The following POLRMT variants were observed in gnomAD, a reference collection of about 807,000 sequenced individuals.
POLRMT encodes the protein RNA polymerase mitochondrial, also known as DNA-directed RNA polymerase, mitochondrial.
Under a neutral mutation model 132.2 loss-of-function variants are expected in POLRMT, and 114 were observed. The observed-to-expected ratio is 0.86, with a 90% confidence interval of 0.74 to 1.01. The LOEUF is 1.01. POLRMT is among the 50% of genes least tolerant of loss of function. The probability of loss-of-function intolerance (pLI) is 0.00; values close to 1 mark genes in which losing one functional copy is unlikely to be tolerated. For synonymous variants in POLRMT, 1,020 were observed against 773.4 expected (o/e 1.32, Z -5.29); for missense variants, 2,003 against 1,729.1 (o/e 1.16, Z -2.81).
At position 619,641 on chromosome 19, in the gene POLRMT, T is replaced by A; in HGVS notation, c.3011A>T (p.Tyr1004Phe). 6.2e-7 allele frequency: 1 copy of A among 1,610,832 alleles called. No individual in the cohort carries two copies. Among genetic ancestry groups the A allele is most frequent in the Non-Finnish European group, 8.5e-7 (1 of 1,179,650 alleles). ...CTTCTCAATCTGCAGGCGCCCGCCATAGCGCGTGACCCCGTACACCACCGT... is the reference window on the plus strand; with the variant it reads ...CTTCTCAATCTGCAGGCGCCCGCCAAAGCGCGTGACCCCGTACACCACCGT... ...VMTVVYGVTR[Y>F]GGRLQIEKRL... Residue 1004 changes from tyrosine (Y) to phenylalanine (F), a missense_variant, in exon 13 of 21, where the codon TAT becomes TTT. Physicochemically the swap from Tyr to Phe is conservative, Grantham distance 22. Coordinates refer to ENST00000588649, the MANE Select transcript of POLRMT (RefSeq NM_005035.4).
chr19:623,943 G>A (rs1984831002), intron 5 of POLRMT, among the ~76,000 whole-genome samples: 2 of 152,174 alleles, frequency 1.3e-5, no homozygotes. Context: ...GTATGAATGT[G>A]ACCCATCCAG....
In POLRMT at chr19:621,472, G is replaced by T. The variant is rs565088113; in HGVS notation, c.2226C>A (p.Pro742=). ...CGGCGCTGTGCGGCAGGTGGGCCTC[G>T]GGCGGCTGGGGCGCCTCGGAGGGCG... ...PAPPSEAPQP[P]EAHLPHSAAP... The change falls in exon 10 of 21, where the codon CCC becomes CCA. Residue 742 remains proline (P), a synonymous_variant. Transcript: ENST00000588649. 8 of 1,368,326 alleles carry T rather than the reference G, an allele frequency of 5.8e-6. No individual in the cohort carries two copies. Among genetic ancestry groups the T allele is most frequent in the Non-Finnish European group, 7.5e-6 (8 of 1,068,496 alleles). The allele number at this position is 1,368,326 out of a possible 1,614,324, so 84.8% of individuals were successfully genotyped here.
intron 6 of POLRMT, 76 bp downstream of exon 6, chr19:623,378 G>A (rs1600576009): frequency 1.9e-6 from 3 of 1,563,838 alleles, no homozygotes; most frequent in East Asian, 2.3e-5. Context: ...ACGGGACCCC[G>A]GCTCAGCCCG....
rs111328977 is a variant in POLRMT, at chr19:618,904, A to G, written c.3267+93T>C. 1.5e-5 allele frequency: 20 copies of G among 1,355,438 alleles called. No individual in the cohort carries two copies. In the Admixed American group the frequency reaches 2.2e-4, roughly 15 times the overall value. The allele number at this position is 1,355,438 out of a possible 1,614,324, so 84.0% of individuals were successfully genotyped here. On this transcript the variant is annotated intron_variant, in intron 15 of 20. Coordinates refer to ENST00000588649, the MANE Select transcript of POLRMT (RefSeq NM_005035.4). ...GGGTGGCACACTGGGGCGGTGGTACACTGGGGTGGTGGTACGCTGGGGCAC... is the reference window on the plus strand; with the variant it reads ...GGGTGGCACACTGGGGCGGTGGTACGCTGGGGTGGTGGTACGCTGGGGCAC...
Position 617,630 on chromosome 19 carries a change from A to G in POLRMT, c.3521T>C (p.Leu1174Ser). Residue 1174 changes from leucine (L) to serine (S), a missense_variant, in exon 19 of 21, where the codon TTG becomes TCG. Physicochemically the swap from Leu to Ser is moderately radical, Grantham distance 145. Transcript: ENST00000588649. ...GTCCTGCAGGATGGGCTCGCTGTGC[A>G]AGCGGACAAACTGCTCCCGGCACAC... ...NQVCREQFVR[L>S]HSEPILQDLS... The G allele has an allele frequency of 6.2e-7, 1 of 1,612,472 alleles. No homozygotes were observed. The highest frequency in any genetic ancestry group is 8.5e-7 in the Non-Finnish European group (1 of 1,179,972).
chr19:625,525 T>TG lies in POLRMT; in HGVS notation c.823-272dup. 4 of 410,268 alleles carry TG rather than the reference T, an allele frequency of 9.7e-6. No homozygotes were observed. The East Asian group carries it at 1.7e-4, about 18-fold the overall frequency. The allele number at this position is 410,268 out of a possible 1,614,324, so 25.4% of individuals were successfully genotyped here. The stretch of plus-strand genomic sequence containing the variant: ...TTGTTAAACCTCCAGATTTGTCAAT[T>TG]GTGTGGATCTTTTCAAAGGACTGAC... On this transcript the variant is annotated intron_variant, in intron 3 of 20. Transcript: ENST00000588649.
rs749760358 is a variant in POLRMT, at chr19:621,467, G to T, written c.2231C>A (p.Ala744Asp). Residue 744 changes from alanine to aspartate, a missense_variant, in exon 10 of 21, where the codon GCC (alanine) becomes GAC (aspartate). Physicochemically the swap from Ala to Asp is moderately radical, Grantham distance 126. Transcript: ENST00000588649. The stretch of plus-strand genomic sequence containing the variant: ...GGGCGCGGCGCTGTGCGGCAGGTGG[G>T]CCTCGGGCGGCTGGGGCGCCTCGGA... ...PPSEAPQPPEAHLPHSAAPAR... is the reference protein window; with the variant it reads ...PPSEAPQPPEDHLPHSAAPAR... 28 of 1,367,938 alleles carry T rather than the reference G, an allele frequency of 2.0e-5. No individual in the cohort carries two copies. The highest frequency in any genetic ancestry group is 2.5e-5 in the Non-Finnish European group (27 of 1,069,814). The allele number at this position is 1,367,938 out of a possible 1,614,324, so 84.7% of individuals were successfully genotyped here.
At chr19:624,962 G>C in intron 4 of POLRMT, 57 bp from the exon 5 acceptor site, 4 of 1,551,840 alleles carry the variant, frequency 2.6e-6, no homozygotes, top group Non-Finnish European at 3.5e-6. Context: ...GGCTTCCACA[G>C]ACCCCAGGGG....
In POLRMT at chr19:620,095, G is replaced by A. The variant is rs371494194; in HGVS notation, c.2764-15C>T. 40 of 1,536,292 alleles carry A rather than the reference G, an allele frequency of 2.6e-5. No individual in the cohort carries two copies. In the African/African-American group the frequency reaches 3.4e-4, roughly 13 times the overall value. ...CAAGAGCCGTCCTGAGGAAGGGGCG[G>A]CAAACGGGAGATGGAAGCTAGAGAG... On this transcript the variant is annotated splice_polypyrimidine_tract_variant and intron_variant, in intron 11 of 20. Coordinates refer to ENST00000588649, the MANE Select transcript of POLRMT (RefSeq NM_005035.4).
In POLRMT at chr19:620,435, C is replaced by T. The variant is rs143868040; in HGVS notation, c.2693G>A (p.Cys898Tyr). 3 of 1,598,660 alleles carry T rather than the reference C, an allele frequency of 1.9e-6. No individual in the cohort carries two copies. Among genetic ancestry groups the T allele is most frequent in the Non-Finnish European group, 2.6e-6 (3 of 1,173,098 alleles). ...GCGCACAGCGTTCGCCACCTCCATA[C>T]AGCAGGCCAGCGTCTGCCAGGGTTC... is the stretch of plus-strand genomic sequence containing the variant. ...AEEPWQTLACCMEVANAVRAS... is the reference protein window; with the variant it reads ...AEEPWQTLACYMEVANAVRAS... Residue 898 changes from cysteine (C) to tyrosine (Y), a missense_variant, in exon 11 of 21, where the codon TGT (cysteine) becomes TAT (tyrosine). Coordinates refer to ENST00000588649, the MANE Select transcript of POLRMT (RefSeq NM_005035.4).
At chr19:625,459 A>AGGTGGGACTGTGGGAG (rs1984959470) in intron 3 of POLRMT, 2 of 596,704 alleles carry the variant, frequency 3.4e-6, no homozygotes, top group African/African-American at 3.8e-5. Context: ...ATGGCCCGCC[A>AGGTGGGACTGTGGGAG]GGTGGGACTG....
intron 8 of POLRMT, 100 bp downstream of exon 8, chr19:622,482 G>A (rs1411514020): frequency 3.4e-6 from 5 of 1,476,064 alleles, no homozygotes; most frequent in African/African-American, 1.4e-5. Context: ...GCATACAGAT[G>A]AACAGACTGA....
intron 13 of POLRMT, 137 bp downstream of exon 13, chr19:619,448 GC>G: frequency 6.5e-6 from 9 of 1,381,322 alleles, no homozygotes; most frequent in Non-Finnish European, 9.0e-6. Flanking sequence ...AGCAAGAAAC[GC>G]CCAAGCCCTA....
chr19:630,211 C>T (rs1341082162), intron 2 of POLRMT, 43 bp from the exon 3 acceptor site: 1 of 1,530,260 alleles, frequency 6.5e-7, no homozygotes. Context: ...GACCCCCTCC[C>T]CATTCGAGCA....
rs779136208 is a variant in POLRMT at position 621,411 on chromosome 19, C to T, written c.2287G>A (p.Ala763Thr). The T allele has an allele frequency of 6.6e-7, 1 of 1,515,030 alleles. No individual in the cohort carries two copies. Among genetic ancestry groups the T allele is most frequent in the East Asian group, 2.5e-5 (1 of 39,484 alleles). The allele number at this position is 1,515,030 out of a possible 1,614,324, so 93.8% of individuals were successfully genotyped here. ...TCCCGGGCCACCTTCTGGCAGTGCGCCAGCTCACGGCGCAGCTCGGCCTTG... is the reference window on the plus strand; with the variant it reads ...TCCCGGGCCACCTTCTGGCAGTGCGTCAGCTCACGGCGCAGCTCGGCCTTG... ...ARKAELRREL[A>T]HCQKVAREMH... The change falls in exon 10 of 21, where the codon GCG (alanine) becomes ACG (threonine). Residue 763 changes from alanine (A) to threonine (T), a missense_variant. Transcript: ENST00000588649.
chr19:620,596 A>G, intron 10 of POLRMT, 109 bp from the exon 11 acceptor site: 2 of 1,314,844 alleles, frequency 1.5e-6, no homozygotes, highest in Non-Finnish European at 2.0e-6. Flanking sequence ...CACACCCGTG[A>G]TAGTGAACAC....
At chr19:627,775 A>T (rs1600587529) in intron 3 of POLRMT, among the ~76,000 whole-genome samples, 1 of 151,362 alleles carries the variant, frequency 6.6e-6, no homozygotes, top group East Asian at 2.0e-4. Flanking sequence ...AAATACAAAA[A>T]TTGGCCGGGC....
chr19:626,886 T>TACACACACACACACACACACACACAC (rs143170943), intron 3 of POLRMT, among the ~76,000 whole-genome samples: 22 of 143,704 alleles, frequency 1.5e-4, no homozygotes, highest in African/African-American at 5.5e-4. Flanking sequence ...TCTTAAAATA[T>TACACACACACACACACACACACACAC]ACACACACAC....
intron 1 of POLRMT, 47 bp downstream of exon 1, chr19:633,378 C>G (rs1055946623): frequency 6.9e-7 from 1 of 1,454,790 alleles, no homozygotes; most frequent in African/African-American, 1.5e-5. Context: ...CGGGGAGGAG[C>G]CCACGCCGTG....
Sources: gnomAD v4.1 joint callset for allele counts (sites outside exome capture counted in the v4.1 genomes callset) on GRCh38, gnomAD v4.1.1 for gene constraint, MANE v1.5 for transcripts, NCBI Gene and HGNC (gene_info 2026-07-23, HGNC 2026-07-21) for gene names.